Variants in NAV2 observed in about 807,000 individuals in gnomAD.
NAV2 encodes the protein helicase, APC down-regulated 1.
NAV2 carries 54 observed loss-of-function variants against 223.2 expected under a neutral mutation model. The observed-to-expected ratio is 0.24, with a 90% confidence interval of 0.19 to 0.30. The LOEUF is 0.30. Among genes scored for constraint, NAV2 ranks in the 10% least tolerant of loss-of-function variants. NAV2 has a pLI of 1.00. For synonymous variants in NAV2, 1,279 were observed against 1,239.3 expected, an observed-to-expected ratio of 1.03 and a Z score of -0.67; for missense variants, 2,806 against 3,147.5, an observed-to-expected ratio of 0.89 and a Z score of 2.60.
chr11:19,732,856 C>T (rs1441170241), intron 1 of NAV2, among the ~76,000 whole-genome samples: 5 of 152,226 alleles, frequency 3.3e-5, no homozygotes, highest in South Asian at 2.1e-4. Flanking sequence ...TGATGACTTA[C>T]GTGCCTCACA....
intron 1 of NAV2, among the ~76,000 whole-genome samples, chr11:19,591,856 C>T (rs946722726): frequency 2.0e-5 from 3 of 152,230 alleles, no homozygotes; most frequent in African/African-American, 4.8e-5. Flanking sequence ...GGCTTTTCAG[C>T]ATATACAGAT....
At chr11:19,624,795 G>A (rs1390694413) in intron 1 of NAV2, among the ~76,000 whole-genome samples, 1 of 152,194 alleles carries the variant, frequency 6.6e-6, no homozygotes, top group Non-Finnish European at 1.5e-5. Flanking sequence ...CCAGTGAGAT[G>A]AACCCGGTAC....
At chr11:19,673,970 G>A (rs1350519425) in intron 1 of NAV2, among the ~76,000 whole-genome samples, 2 of 152,032 alleles carry the variant, frequency 1.3e-5, no homozygotes, top group East Asian at 1.9e-4. Flanking sequence ...GGGGCCAGGC[G>A]CCTCCTCCAA....
rs373300804 is a variant in NAV2 at position 19,584,268 on chromosome 11, T to A, written c.75+233241T>A. On this transcript the variant is annotated intron_variant, in intron 1 of 37. Coordinates refer to the NAV2 transcript ENST00000360655. ...ATTGGGTCTATTCGATTCTTCTCTC[T>A]TTTCTTCTTTATTAGTCTTGCTAGC... Among the ~76,000 whole-genome samples the A allele has an allele frequency of 9.8e-5, 15 of 152,338 alleles. No homozygotes were observed. In the East Asian group the frequency reaches 1.3e-3, roughly 14 times the overall value.
Position 20,114,618 on chromosome 11 carries a change from G to A in NAV2, c.6987G>A (p.Glu2329=). The part of the protein sequence containing the change: ...LQLYGRRAPW[E]DPAKWVMDTY... Reference sequence around the variant, plus strand: ...TCTATGGAAGGCGCGCCCCCTGGGAGGATCCTGCCAAGTGGGTGATGGACA... The same window carrying A: ...TCTATGGAAGGCGCGCCCCCTGGGAAGATCCTGCCAAGTGGGTGATGGACA... The change falls in exon 37 of 38, where the codon GAG becomes GAA. Residue 2329 remains glutamate, a synonymous_variant. Transcript: ENST00000349880. 6.2e-7 allele frequency: 1 copy of A among 1,614,194 alleles called. No homozygotes were observed. The highest frequency in any genetic ancestry group is 8.5e-7 in the Non-Finnish European group (1 of 1,180,044).
chr11:19,995,354 T>C (rs1277932027), intron 11 of NAV2, among the ~76,000 whole-genome samples: 1 of 152,190 alleles, frequency 6.6e-6, no homozygotes. Context: ...GTATTTCAGT[T>C]AGGAGTCAGG....
intron 36 of NAV2, among the ~76,000 whole-genome samples, chr11:20,111,435 T>C (rs185063954): frequency 1.1e-4 from 17 of 152,198 alleles, no homozygotes; most frequent in Non-Finnish European, 2.4e-4. Context: ...CCACAGTACT[T>C]ACCCAGCCAT....
chr11:19,888,249 G>T (rs1353913735), intron 5 of NAV2, among the ~76,000 whole-genome samples: 1 of 152,170 alleles, frequency 6.6e-6, no homozygotes, highest in East Asian at 1.9e-4. Flanking sequence ...AGTTCCTCTT[G>T]GGAAGGAGCT....
At chr11:19,702,373 G>A in intron 1 of NAV2, among the ~76,000 whole-genome samples, 1 of 152,236 alleles carries the variant, frequency 6.6e-6, no homozygotes, top group East Asian at 1.9e-4. Context: ...TAGTTTGGGA[G>A]AAGGAGCTCA....
At chr11:19,714,704 G>C (rs183936262) in intron 1 of NAV2, among the ~76,000 whole-genome samples, 3 of 152,260 alleles carry the variant, frequency 2.0e-5, no homozygotes, top group Admixed American at 6.5e-5. Flanking sequence ...CCGAGTGACG[G>C]GGCGTGGGGA....
At chr11:19,407,643 C>T (rs959206209) in intron 1 of NAV2, among the ~76,000 whole-genome samples, 11 of 152,166 alleles carry the variant, frequency 7.2e-5, no homozygotes, top group Admixed American at 2.6e-4. Flanking sequence ...TCACAGGTGA[C>T]TTCAGCCTTT....
chr11:20,044,402 T>C (rs940372107), intron 13 of NAV2, 130 bp downstream of exon 13: 5 of 833,998 alleles, frequency 6.0e-6, no homozygotes, highest in Non-Finnish European at 9.0e-6. Flanking sequence ...CGAGCTTCCA[T>C]AAACTTTCAC....
At chr11:19,489,480 T>C (rs11025154) in intron 1 of NAV2, among the ~76,000 whole-genome samples, 18,085 of 152,266 alleles carry the variant, frequency 0.12, 1,302 homozygotes, top group Non-Finnish European at 0.15. Context: ...ACAGGCAGAT[T>C]TGAGTAACTT....
At chr11:19,854,139 G>T (rs763699329) in intron 3 of NAV2, among the ~76,000 whole-genome samples, 4 of 152,228 alleles carry the variant, frequency 2.6e-5, no homozygotes, top group Non-Finnish European at 4.4e-5. Flanking sequence ...TGGGCCTCAT[G>T]CTTGGATCCA....
chr11:19,663,471 T>C (rs550900329), intron 1 of NAV2, among the ~76,000 whole-genome samples: 2 of 152,306 alleles, frequency 1.3e-5, no homozygotes, highest in African/African-American at 4.8e-5. Context: ...GGCTAAAGAA[T>C]TGAACTCAGG....
At chr11:19,556,930 T>A (rs540434055) in intron 1 of NAV2, among the ~76,000 whole-genome samples, 1 of 152,366 alleles carries the variant, frequency 6.6e-6, no homozygotes, top group East Asian at 1.9e-4. Flanking sequence ...AAATTCTTAC[T>A]AGTCTTCTAG....
intron 1 of NAV2, among the ~76,000 whole-genome samples, chr11:19,744,671 A>C (rs767111670): frequency 6.6e-5 from 10 of 152,196 alleles, no homozygotes; most frequent in Non-Finnish European, 1.0e-4. Flanking sequence ...CTCTATGAAC[A>C]GTTTCTTGTG....
At chr11:19,686,725 G>A (rs185480867) in intron 1 of NAV2, among the ~76,000 whole-genome samples, 30 of 152,326 alleles carry the variant, frequency 2.0e-4, no homozygotes, top group African/African-American at 7.0e-4. Context: ...ACTCGAGGAG[G>A]CCCGGATTAT....
chr11:20,069,771 G>C (rs1349696652), intron 22 of NAV2, among the ~76,000 whole-genome samples: 1 of 152,210 alleles, frequency 6.6e-6, no homozygotes, highest in Non-Finnish European at 1.5e-5. Context: ...TCAAGAGGCT[G>C]TCTTCCCTCA....
Sources: allele counts gnomAD v4.1 joint callset (sites outside exome capture counted in the v4.1 genomes callset), GRCh38; gene constraint gnomAD v4.1.1; transcripts MANE v1.5; gene names NCBI Gene and HGNC (gene_info 2026-07-23, HGNC 2026-07-21).